The following SNED1 variants were observed in gnomAD, a reference collection of about 807,000 sequenced individuals.
The protein encoded by SNED1 is sushi, nidogen and EGF-like domain-containing protein 1.
Under a neutral mutation model 166.7 loss-of-function variants are expected in SNED1, and 81 were observed. That is an observed-to-expected ratio of 0.49 (90% confidence interval 0.41 to 0.58). SNED1 has a LOEUF of 0.58. Ranked by LOEUF, SNED1 falls within the 20% of genes least tolerant of loss-of-function variation. The probability of loss-of-function intolerance (pLI) is 0.00; values close to 1 mark genes in which losing one functional copy is unlikely to be tolerated. For synonymous variants in SNED1, 762 were observed against 822.0 expected, an observed-to-expected ratio of 0.93 and a Z score of 1.25; for missense variants, 1,604 against 2,000.2, an observed-to-expected ratio of 0.80 and a Z score of 3.78.
In SNED1 at chr2:241,071,889, G is replaced by C. The variant is rs920075317; in HGVS notation, c.3817+11G>C. ...CCACCGTGAGATCACGTGAGTGCCA[G>C]GGCCTCCCCACCCACCTTGGTGGCC... On this transcript the variant is annotated intron_variant, in intron 26 of 31. Coordinates refer to ENST00000310397, the MANE Select transcript of SNED1 (RefSeq NM_001080437.3). 5 of 1,590,572 alleles carry C rather than the reference G, an allele frequency of 3.1e-6. No individual in the cohort carries two copies. The highest frequency in any genetic ancestry group is 1.3e-5 in the African/African-American group (1 of 74,472).
At chr2:241,080,782 A>T (rs1318312514) in intron 27 of SNED1, among the ~76,000 whole-genome samples, 1 of 152,226 alleles carries the variant, frequency 6.6e-6, no homozygotes, top group African/African-American at 2.4e-5. Context: ...CTTGCTGAGG[A>T]CCAACTCGGT....
intron 21 of SNED1, among the ~76,000 whole-genome samples, chr2:241,066,262 C>T (rs2062444555): frequency 6.6e-6 from 1 of 151,998 alleles, no homozygotes; most frequent in Non-Finnish European, 1.5e-5. Context: ...GTTGCCGTGT[C>T]GGGGAGCAGA....
intron 1 of SNED1, chr2:241,015,810 A>T (rs2060566008): frequency 6.5e-6 from 1 of 152,966 alleles, no homozygotes; most frequent in Non-Finnish European, 1.5e-5. Flanking sequence ...TGTTGGTGGA[A>T]CCCTTGACTT....
At chr2:241,015,997 A>G (rs191918451) in intron 1 of SNED1, 4 of 152,234 alleles carry the variant, frequency 2.6e-5, no homozygotes, top group Admixed American at 2.0e-4. Context: ...TTCAGATGAT[A>G]ATATGATTTT....
chr2:241,048,880 C>A, intron 10 of SNED1, 114 bp downstream of exon 10: 2 of 1,187,568 alleles, frequency 1.7e-6, no homozygotes, highest in Non-Finnish European at 2.4e-6. Context: ...TTGGTTCTAC[C>A]CCCACCCAGG....
At chr2:241,089,814 G>A (rs151060080) in intron 31 of SNED1, among the ~76,000 whole-genome samples, 397 of 152,384 alleles carry the variant, frequency 2.6e-3, no homozygotes, top group Middle Eastern at 0.01. Context: ...AGATGGCACC[G>A]CGTACTGCGC....
intron 8 of SNED1, among the ~76,000 whole-genome samples, chr2:241,042,351 G>A (rs1354040244): frequency 1.3e-5 from 2 of 152,092 alleles, no homozygotes; most frequent in Non-Finnish European, 2.9e-5. Flanking sequence ...GACTAATGTC[G>A]ACCTGCCCTA....
chr2:241,031,348 A>G (rs1455830042), intron 2 of SNED1, among the ~76,000 whole-genome samples: 1 of 152,136 alleles, frequency 6.6e-6, no homozygotes, highest in African/African-American at 2.4e-5. Flanking sequence ...TATTTTCAGT[A>G]GAGAGGGGGT....
At chr2:241,034,219 G>A (rs1470691395) in intron 3 of SNED1, among the ~76,000 whole-genome samples, 3 of 152,374 alleles carry the variant, frequency 2.0e-5, no homozygotes, top group African/African-American at 7.2e-5. Context: ...AACCCCGGGT[G>A]TGGAGGGAAT....
intron 8 of SNED1, among the ~76,000 whole-genome samples, chr2:241,045,900 C>T (rs2061632625): frequency 6.6e-6 from 1 of 152,082 alleles, no homozygotes; most frequent in Non-Finnish European, 1.5e-5. Flanking sequence ...GTTTGCAAAA[C>T]TCATACCCAA....
chr2:241,034,842 C>G (rs1386435803), intron 4 of SNED1, 112 bp downstream of exon 4: 2 of 1,209,682 alleles, frequency 1.7e-6, no homozygotes, highest in African/African-American at 3.1e-5. Flanking sequence ...AGCAGGAGCA[C>G]TTGGGTGTCC....
chr2:241,050,912 C>T (rs989802654), intron 12 of SNED1, among the ~76,000 whole-genome samples: 3 of 152,222 alleles, frequency 2.0e-5, no homozygotes, highest in Admixed American at 6.5e-5. Context: ...GTTCTGTGCC[C>T]GCCCCAGGAA....
rs1410098268 is a variant in SNED1 at position 241,073,573 on chromosome 2, CA to C, written c.3916+210del. On this transcript the variant is annotated intron_variant, in intron 27 of 31. Transcript: ENST00000310397. The surrounding 1 kb of genome is among the most constrained non-coding windows in gnomAD (Gnocchi z 6.6). ...TGGGACCCCACAGACGGGAACAGGC[CA>C]GGGGGCAGGACCCACCCAAACCACC... 5 of 616,052 alleles carry C rather than the reference CA, an allele frequency of 8.1e-6. No individual in the cohort carries two copies. The highest frequency in any genetic ancestry group is 1.5e-5 in the Non-Finnish European group (5 of 340,328). The allele number at this position is 616,052 out of a possible 1,614,324, so 38.2% of individuals were successfully genotyped here. A position where few individuals can be genotyped will look rare whatever the true frequency, so the allele number is the denominator to read the frequency against.
chr2:241,063,923 C>G (rs2062328680), intron 18 of SNED1, 89 bp from the exon 19 acceptor site: 7 of 1,037,088 alleles, frequency 6.7e-6, no homozygotes, highest in Non-Finnish European at 8.6e-6. Context: ...CGCCCCTAGA[C>G]TCCTCCTTTC....
rs529220322 is a variant in SNED1 at position 241,093,999 on chromosome 2, T to C, written c.*2363T>C. The C allele has an allele frequency of 4.3e-6, 1 of 233,830 alleles. No individual in the cohort carries two copies. Among genetic ancestry groups the C allele is most frequent in the East Asian group, 1.3e-4 (1 of 7,972 alleles). 14.5% of individuals were successfully genotyped at this position (233,830 alleles called of 1,614,324 possible). A position where few individuals can be genotyped will look rare whatever the true frequency, so the allele number is the denominator to read the frequency against. ...CTAACCAAGTGCAGACTGAGGATTCTACTTAGTCCTCCGACTGGGTACAAC... is the reference window on the plus strand; with the variant it reads ...CTAACCAAGTGCAGACTGAGGATTCCACTTAGTCCTCCGACTGGGTACAAC... On this transcript the variant is annotated 3_prime_UTR_variant, in exon 32 of 32. Transcript: ENST00000310397.
intron 26 of SNED1, chr2:241,072,226 C>G (rs1385711599): frequency 3.9e-6 from 2 of 516,512 alleles, no homozygotes; most frequent in Admixed American, 2.3e-5. Context: ...TTTTAGTAAA[C>G]CATGGGCAGG....
chr2:241,065,162 G>C (rs2062386498), intron 20 of SNED1, 137 bp from the exon 21 acceptor site: 2 of 951,802 alleles, frequency 2.1e-6, no homozygotes, highest in Non-Finnish European at 3.1e-6. Flanking sequence ...TACGTGGCCA[G>C]GGACAAAGAA....
At chr2:241,040,955 G>A (rs988729584) in intron 8 of SNED1, 10 of 408,868 alleles carry the variant, frequency 2.4e-5, no homozygotes, top group Middle Eastern at 3.7e-4. Context: ...TGGCTTTCGT[G>A]TCTGATTGTT....
Position 241,068,035 on chromosome 2 carries a change from C to A in SNED1, c.3194+88C>A. The A allele has an allele frequency of 8.0e-7, 1 of 1,248,274 alleles. No homozygotes were observed. The highest frequency in any genetic ancestry group is 1.7e-5 in the African/African-American group (1 of 58,992). The allele number at this position is 1,248,274 out of a possible 1,614,324, so 77.3% of individuals were successfully genotyped here. A position where few individuals can be genotyped will look rare whatever the true frequency, so the allele number is the denominator to read the frequency against. Reference sequence around the variant, plus strand: ...GGGGCCCAGGTCTCGGGCACATTCTCCGTGTGTGGACTGTACCACCTGCCG... The same window carrying A: ...GGGGCCCAGGTCTCGGGCACATTCTACGTGTGTGGACTGTACCACCTGCCG... On this transcript the variant is annotated intron_variant, in intron 22 of 31. Transcript: ENST00000310397. This position sits in a 1 kb window ranked among gnomAD's most constrained non-coding sequence, Gnocchi z 5.3.
Sources: allele counts gnomAD v4.1 joint callset (sites outside exome capture counted in the v4.1 genomes callset), GRCh38; gene constraint gnomAD v4.1.1; non-coding constraint Gnocchi (gnomAD v3.1); transcripts MANE v1.5; gene names NCBI Gene and HGNC (gene_info 2026-07-23, HGNC 2026-07-21).